DPP6: variants seen among roughly 807,000 people sequenced by gnomAD.
DPP6 encodes A-type potassium channel modulatory protein DPP6.
In DPP6, 69 loss-of-function variants were observed where a neutral mutation model predicts 122.6. The observed-to-expected ratio is 0.56, with a 90% CI of 0.46 to 0.69. The LOEUF (loss-of-function observed/expected upper bound fraction) is 0.69, where lower values mean the gene tolerates loss of function less well. Among genes scored for constraint, DPP6 ranks in the 30% least tolerant of loss-of-function variants. DPP6 has a pLI of 0.00. For synonymous variants in DPP6, 418 were observed against 433.1 expected, an observed-to-expected ratio of 0.97 and a Z score of 0.43; for missense variants, 928 against 1,116.9, an observed-to-expected ratio of 0.83 and a Z score of 2.41.
the DPP6 span, among the ~76,000 whole-genome samples, chr7:153,819,945 A>G: frequency 6.6e-6 from 1 of 152,202 alleles, no homozygotes; most frequent in African/African-American, 2.4e-5. Flanking sequence ...ATAAAAAGAT[A>G]ATTCATCCAA....
At chr7:154,596,356 A>C (rs1833089564) in intron 5 of DPP6, among the ~76,000 whole-genome samples, 1 of 152,190 alleles carries the variant, frequency 6.6e-6, no homozygotes, top group Non-Finnish European at 1.5e-5. Context: ...GGAGAAGGAG[A>C]GGCACGACTC....
chr7:154,004,271 C>T (rs2129046739), intron 1 of DPP6, among the ~76,000 whole-genome samples: 1 of 152,330 alleles, frequency 6.6e-6, no homozygotes, highest in South Asian at 2.1e-4. Context: ...TACTGCACAG[C>T]TACTGGAGGA....
intron 1 of DPP6, among the ~76,000 whole-genome samples, chr7:154,319,722 G>A (rs570113936): frequency 6.6e-6 from 1 of 152,190 alleles, no homozygotes; most frequent in African/African-American, 2.4e-5. Context: ...GCCGGGTGCA[G>A]TGGCTCACGC....
chr7:154,710,049 C>T (rs1841082507), intron 7 of DPP6, among the ~76,000 whole-genome samples: 1 of 152,222 alleles, frequency 6.6e-6, no homozygotes, highest in Admixed American at 6.5e-5. Flanking sequence ...CACACATGTG[C>T]ACCTCTCCTG....
At chr7:154,830,683 G>T (rs1039583916) in intron 16 of DPP6, among the ~76,000 whole-genome samples, 1 of 152,160 alleles carries the variant, frequency 6.6e-6, no homozygotes, top group Non-Finnish European at 1.5e-5. Context: ...GGCCTTAATC[G>T]TACTTCATTT....
At chr7:153,989,062 C>T (rs1177501347) in intron 1 of DPP6, among the ~76,000 whole-genome samples, 1 of 150,632 alleles carries the variant, frequency 6.6e-6, no homozygotes, top group African/African-American at 2.4e-5. Context: ...CCAGAGAGCC[C>T]AGCTTCAGGG....
chr7:154,757,467 G>A (rs1378611782), intron 8 of DPP6, among the ~76,000 whole-genome samples: 1 of 152,238 alleles, frequency 6.6e-6, no homozygotes, highest in Non-Finnish European at 1.5e-5. Context: ...ACCAAGATGG[G>A]ATCAATAGTC....
chr7:154,243,342 C>G (rs926246025), intron 1 of DPP6, among the ~76,000 whole-genome samples: 1 of 149,246 alleles, frequency 6.7e-6, no homozygotes, highest in African/African-American at 2.4e-5. Context: ...AATTTTCAGA[C>G]AAGGATTTTA....
intron 7 of DPP6, among the ~76,000 whole-genome samples, chr7:154,712,662 A>G (rs1031361539): frequency 2.0e-5 from 3 of 152,218 alleles, no homozygotes; most frequent in African/African-American, 7.2e-5. Flanking sequence ...TTAGAAAACC[A>G]TCAGATCTCA....
intron 5 of DPP6, among the ~76,000 whole-genome samples, chr7:154,637,039 C>T (rs1351050830): frequency 1.3e-5 from 2 of 152,184 alleles, no homozygotes; most frequent in Non-Finnish European, 2.9e-5. Flanking sequence ...AGGTCTCTAC[C>T]CAGGAGGCTG....
At chr7:154,238,514 G>A (rs1018626159) in intron 1 of DPP6, among the ~76,000 whole-genome samples, 4 of 152,108 alleles carry the variant, frequency 2.6e-5, no homozygotes, top group African/African-American at 4.8e-5. Context: ...TAAGTAACAC[G>A]ATAGCCTAAC....
chr7:153,768,400 C>T, the DPP6 span, among the ~76,000 whole-genome samples: 119 of 152,128 alleles, frequency 7.8e-4, no homozygotes, highest in African/African-American at 2.1e-3. Flanking sequence ...AAGTAACTTG[C>T]CTAAGATCAC....
intron 1 of DPP6, among the ~76,000 whole-genome samples, chr7:154,162,490 A>T (rs1025696464): frequency 2.0e-5 from 3 of 152,204 alleles, no homozygotes; most frequent in Non-Finnish European, 4.4e-5. Context: ...ATTTCCCAGG[A>T]TCCATTCCAT....
intron 7 of DPP6, among the ~76,000 whole-genome samples, chr7:154,712,450 C>T (rs1405978673): frequency 1.3e-5 from 2 of 152,170 alleles, no homozygotes; most frequent in Non-Finnish European, 2.9e-5. Flanking sequence ...TCCCAATCCT[C>T]TAGAGAATTC....
intron 1 of DPP6, among the ~76,000 whole-genome samples, chr7:154,064,774 C>T (rs1255835733): frequency 6.6e-6 from 1 of 152,172 alleles, no homozygotes; most frequent in Non-Finnish European, 1.5e-5. Context: ...CCAGGGTCTA[C>T]ATGTGAAATC....
chr7:154,305,188 C>A (rs1277940642), intron 1 of DPP6: 3 of 1,035,398 alleles, frequency 2.9e-6, no homozygotes, highest in South Asian at 4.2e-5. Context: ...ACCCAGCCGC[C>A]ACTTGCCGGT....
intron 1 of DPP6, among the ~76,000 whole-genome samples, chr7:153,907,146 T>C (rs981912527): frequency 6.6e-6 from 1 of 152,244 alleles, no homozygotes; most frequent in Non-Finnish European, 1.5e-5. Flanking sequence ...CCCTTTTCTC[T>C]GCATCCTTGC....
At chr7:153,875,654 A>G in the DPP6 span, among the ~76,000 whole-genome samples, 1 of 151,976 alleles carries the variant, frequency 6.6e-6, no homozygotes, top group East Asian at 1.9e-4. Flanking sequence ...CTAATTAAGA[A>G]TATATTTTGA....
chr7:154,463,554 A>G (rs1047349578), intron 2 of DPP6, among the ~76,000 whole-genome samples: 1 of 152,082 alleles, frequency 6.6e-6, no homozygotes, highest in Non-Finnish European at 1.5e-5. Flanking sequence ...GTAGCCCCAC[A>G]GCTGGGAATG....
Sources: allele counts gnomAD v4.1 joint callset (sites outside exome capture counted in the v4.1 genomes callset), GRCh38; gene constraint gnomAD v4.1.1; transcripts MANE v1.5; gene names NCBI Gene and HGNC (gene_info 2026-07-23, HGNC 2026-07-21).